The following HACD4 variants were observed in gnomAD, a reference collection of about 807,000 sequenced individuals.
HACD4 encodes 3-hydroxyacyl-CoA dehydratase 4, also known as very-long-chain (3R)-3-hydroxyacyl-CoA dehydratase 4.
A neutral mutation model predicts 33.3 loss-of-function variants in HACD4; 35 were observed. That is an observed-to-expected ratio of 1.05 (90% CI 0.80 to 1.39). The LOEUF is 1.39. HACD4 is among the 40% of genes most tolerant of loss of function. The pLI is 0.00. For synonymous variants in HACD4, 118 were observed against 98.0 expected (o/e 1.20, Z -1.21); for missense variants, 323 against 276.5 (o/e 1.17, Z -1.19).
intron 2 of HACD4, among the ~76,000 whole-genome samples, chr9:21,027,673 C>G (rs779237681): frequency 6.6e-6 from 1 of 152,194 alleles, no homozygotes; most frequent in Non-Finnish European, 1.5e-5. Flanking sequence ...AGGTATAACA[C>G]GTTCAGGGTT....
At chr9:21,008,417 A>G (rs3819021) in intron 5 of HACD4, among the ~76,000 whole-genome samples, 21,617 of 152,174 alleles carry the variant, frequency 0.14, 1,694 homozygotes, top group East Asian at 0.18. Flanking sequence ...TTAAAATGTT[A>G]TCTCAAAATA....
rs996573061 is a variant in HACD4, at chr9:21,001,101, A to G, written c.*5936T>C. On this transcript the variant is annotated 3_prime_UTR_variant, in exon 7 of 7. Transcript: ENST00000495827. ...TCAAATGAAAACAAAAACAAAAACT[A>G]TCTCTGAAAAAGACTTGATGGTGGA... is the stretch of plus-strand genomic sequence containing the variant. 2 of 152,078 alleles carry G rather than the reference A, an allele frequency of 1.3e-5. No homozygotes were observed. The highest frequency in any genetic ancestry group is 6.6e-5 in the Admixed American group (1 of 15,248). The allele number at this position is 152,078 out of a possible 1,614,324, so 9.4% of individuals were successfully genotyped here. A position where few individuals can be genotyped will look rare whatever the true frequency, so the allele number is the denominator to read the frequency against.
chr9:21,022,713 AAAC>A (rs1231368520), intron 3 of HACD4, among the ~76,000 whole-genome samples: 11 of 150,448 alleles, frequency 7.3e-5, no homozygotes, highest in Admixed American at 6.6e-4. Context: ...AAAAGTCAGG[AAAC>A]AACAGGTGCT....
rs1218510653 is a variant in HACD4 at position 21,029,295 on chromosome 9, CT to C, written c.141del (p.Asp48IlefsTer13). 1.9e-6 allele frequency: 3 copies of C among 1,545,646 alleles called. No individual in the cohort carries two copies. The highest frequency in any genetic ancestry group is 1.2e-5 in the South Asian group (1 of 86,302). ...TAAAAAAACTGTTTCGGAGTTTTAC[CT>C]TTTCCAAATGAAAAGAATCTGACTG... is the stretch of plus-strand genomic sequence containing the variant. ...NMTVRFFSFG[K>X]DSMVDTFYAI... On this transcript the variant is annotated frameshift_variant and splice_region_variant, in exon 2 of 7. Coordinates refer to ENST00000495827, the MANE Select transcript of HACD4 (RefSeq NM_001010915.5). LOFTEE classifies it high-confidence loss of function.
At chr9:21,019,098 C>G (rs1027087149) in intron 3 of HACD4, among the ~76,000 whole-genome samples, 10 of 152,064 alleles carry the variant, frequency 6.6e-5, no homozygotes, top group Non-Finnish European at 1.3e-4. Context: ...TTCTATAAGA[C>G]AAATGCATTT....
chr9:21,010,980 C>T (rs1412173032), intron 5 of HACD4, among the ~76,000 whole-genome samples: 1 of 152,138 alleles, frequency 6.6e-6, no homozygotes, highest in African/African-American at 2.4e-5. Flanking sequence ...ACAGATGAAG[C>T]TTCACCTGCT....
chr9:21,014,544 A>G (rs1412739923), intron 4 of HACD4, among the ~76,000 whole-genome samples: 1 of 152,144 alleles, frequency 6.6e-6, no homozygotes, highest in Non-Finnish European at 1.5e-5. Flanking sequence ...TGTAGTTTCC[A>G]GGGGCTGAGG....
chr9:21,018,712 G>A (rs1206829455), intron 3 of HACD4, among the ~76,000 whole-genome samples: 1 of 152,032 alleles, frequency 6.6e-6, no homozygotes, highest in African/African-American at 2.4e-5. Flanking sequence ...AACAGGTAGA[G>A]TAAAAGGTAT....
intron 4 of HACD4, among the ~76,000 whole-genome samples, chr9:21,012,280 T>G (rs561162516): frequency 6.6e-6 from 1 of 152,194 alleles, no homozygotes; most frequent in Non-Finnish European, 1.5e-5. Flanking sequence ...TGAGCATATA[T>G]CAGAATCACC....
intron 5 of HACD4, among the ~76,000 whole-genome samples, chr9:21,011,016 C>T (rs891940017): frequency 2.0e-5 from 3 of 152,090 alleles, no homozygotes; most frequent in African/African-American, 7.2e-5. Flanking sequence ...TCCTGGTATG[C>T]GGCCTGGTTC....
chr9:21,008,227 G>T, intron 5 of HACD4, 81 bp from the exon 6 acceptor site: 2 of 1,200,388 alleles, frequency 1.7e-6, no homozygotes, highest in Non-Finnish European at 2.2e-6. Context: ...CATAGTTGTA[G>T]GATATTTTGA....
intron 1 of HACD4, 46 bp from the exon 2 acceptor site, chr9:21,029,444 C>G: frequency 8.3e-7 from 1 of 1,203,648 alleles, no homozygotes; most frequent in Non-Finnish European, 1.2e-6. Flanking sequence ...TTATAATCAT[C>G]CTTTCATCAC....
chr9:21,016,793 C>CT (rs1232620022), intron 3 of HACD4, among the ~76,000 whole-genome samples: 22 of 135,244 alleles, frequency 1.6e-4, no homozygotes, highest in South Asian at 4.9e-4. Context: ...TTTTTTTTTT[C>CT]TTTTTTTTGG....
At chr9:21,015,876 A>C in intron 4 of HACD4, 22 bp downstream of exon 4, 2 of 1,487,276 alleles carry the variant, frequency 1.3e-6, no homozygotes, top group Non-Finnish European at 1.9e-6. Flanking sequence ...CCTTGTTTTA[A>C]GAGATTATTT....
intron 2 of HACD4, among the ~76,000 whole-genome samples, chr9:21,027,798 T>C (rs1818100982): frequency 6.6e-6 from 1 of 152,206 alleles, no homozygotes; most frequent in Non-Finnish European, 1.5e-5. Context: ...GTTTCTTTAA[T>C]AATAAGCTTC....
chr9:21,022,434 C>A (rs997528481), intron 3 of HACD4, among the ~76,000 whole-genome samples: 1 of 152,110 alleles, frequency 6.6e-6, no homozygotes, highest in African/African-American at 2.4e-5. Context: ...TCAGAGTGAA[C>A]AGGCAACCTA....
At chr9:21,030,249 C>T (rs1049250202) in intron 1 of HACD4, among the ~76,000 whole-genome samples, 1 of 143,558 alleles carries the variant, frequency 7.0e-6, no homozygotes, top group Non-Finnish European at 1.5e-5. Flanking sequence ...CAAGACCAGC[C>T]TGGCCAACAT....
intron 3 of HACD4, among the ~76,000 whole-genome samples, chr9:21,016,315 G>T (rs190163694): frequency 1.3e-5 from 2 of 152,124 alleles, no homozygotes; most frequent in African/African-American, 4.8e-5. Flanking sequence ...AGGCTTTATT[G>T]AGTGTCCACT....
intron 1 of HACD4, 67 bp downstream of exon 1, chr9:21,031,486 G>A (rs1377909379): frequency 4.9e-6 from 7 of 1,426,628 alleles, no homozygotes; most frequent in African/African-American, 1.5e-5. Context: ...CCGCCGCAGA[G>A]GGGAGCTCCC....
Sources: allele counts gnomAD v4.1 joint callset (sites outside exome capture counted in the v4.1 genomes callset), GRCh38; gene constraint gnomAD v4.1.1; transcripts MANE v1.5; gene names NCBI Gene and HGNC (gene_info 2026-07-23, HGNC 2026-07-21).